Variants in CDH7 observed in about 807,000 individuals in gnomAD.
CDH7 encodes cadherin-7.
A neutral mutation model predicts 71.8 loss-of-function variants in CDH7; 25 were observed. The ratio of observed to expected loss-of-function variants is 0.35; its 90% confidence interval spans 0.25 to 0.49. The LOEUF is 0.49. Among genes scored for constraint, CDH7 ranks in the 20% least tolerant of loss-of-function variants. CDH7 has a pLI of 0.99. For synonymous variants in CDH7, 381 were observed against 363.8 expected, an observed-to-expected ratio of 1.05 and a Z score of -0.54; for missense variants, 862 against 974.6, an observed-to-expected ratio of 0.88 and a Z score of 1.54.
chr18:65,828,414 A>G (rs544535910), intron 6 of CDH7, among the ~76,000 whole-genome samples: 1 of 152,246 alleles, frequency 6.6e-6, no homozygotes, highest in Non-Finnish European at 1.5e-5. Flanking sequence ...ATTTTTTTCT[A>G]TAAATATATT....
chr18:65,860,976 G>A (rs1486372754), intron 10 of CDH7, among the ~76,000 whole-genome samples: 1 of 152,172 alleles, frequency 6.6e-6, no homozygotes, highest in Non-Finnish European at 1.5e-5. Context: ...TCATAGTTAA[G>A]AAGGATAATT....
rs1198601510 is a variant in CDH7, at chr18:65,781,906, TTC to T, written c.210+18860_210+18861del. On this transcript the variant is annotated intron_variant, in intron 2 of 11. Transcript: ENST00000397968. ...TCTCTCTCTCTCTTTCTCTCTATCT[TTC>T]TCTCTTTCTCTCTTTCTCTCTCTCT... Among the ~76,000 whole-genome samples the T allele has an allele frequency of 8.1e-4, 38 of 46,802 alleles. 4 individuals are homozygous for T. The East Asian group carries it at 0.018, about 22-fold the overall frequency. The allele number at this position is 46,802 out of a possible 152,430, so 30.7% of individuals were successfully genotyped here. A position where few individuals can be genotyped will look rare whatever the true frequency, so the allele number is the denominator to read the frequency against.
At chr18:65,833,465 T>C (rs1912423504) in intron 6 of CDH7, among the ~76,000 whole-genome samples, 1 of 152,210 alleles carries the variant, frequency 6.6e-6, no homozygotes, top group African/African-American at 2.4e-5. Flanking sequence ...TCAGGATGCA[T>C]ATTTCTTAAA....
Position 65,862,876 on chromosome 18 carries a change from G to A in CDH7, c.1823G>A (p.Gly608Glu), listed in dbSNP as rs921306615. 2 of 1,614,184 alleles carry A rather than the reference G, an allele frequency of 1.2e-6. No homozygotes were observed. Among genetic ancestry groups the A allele is most frequent in the East Asian group, 4.5e-5 (2 of 44,876 alleles). The change falls in exon 11 of 12, where the codon GGA becomes GAA. Residue 608 changes from glycine (G) to glutamate (E), a missense_variant. By Grantham distance (98) the Gly-to-Glu change is moderately conservative. Coordinates refer to ENST00000397968, the MANE Select transcript of CDH7 (RefSeq NM_004361.5). ...AYVLPAGLST[G>E]ALIAILACVL... ...GTCCTACCTGCTGGCCTCAGTACAG[G>A]AGCCCTGATAGCCATACTCGCCTGT...
At chr18:65,793,172 G>A (rs1034776802) in intron 2 of CDH7, among the ~76,000 whole-genome samples, 5 of 152,070 alleles carry the variant, frequency 3.3e-5, no homozygotes, top group Non-Finnish European at 7.3e-5. Flanking sequence ...AGGCGCAGAG[G>A]CTCACACCTG....
At chr18:65,814,237 G>A (rs1313213592) in intron 3 of CDH7, among the ~76,000 whole-genome samples, 1 of 20,254 alleles carries the variant, frequency 4.9e-5, no homozygotes, top group Non-Finnish European at 1.3e-4. Flanking sequence ...GTGCATCATC[G>A]ATGGTATTTT....
Position 65,824,882 on chromosome 18 carries a change from C to T in CDH7, c.981+51C>T, listed in dbSNP as rs779388072. The T allele has an allele frequency of 5.4e-6, 7 of 1,288,154 alleles. No individual in the cohort carries two copies. In the African/African-American group the frequency reaches 8.9e-5, roughly 16 times the overall value. 79.8% of individuals were successfully genotyped at this position (1,288,154 alleles called of 1,614,324 possible). On this transcript the variant is annotated intron_variant, in intron 6 of 11. Transcript: ENST00000397968. ...ATCACAGATTACTGAGAAGTCCTTT[C>T]TGTTTGATGGGAGAATGTACTAGAC...
intron 2 of CDH7, among the ~76,000 whole-genome samples, chr18:65,775,650 A>G (rs1410690610): frequency 6.6e-6 from 1 of 152,196 alleles, no homozygotes; most frequent in Non-Finnish European, 1.5e-5. Flanking sequence ...CACTAATGAT[A>G]GCTGATGAAC....
intron 4 of CDH7, among the ~76,000 whole-genome samples, chr18:65,815,078 C>T (rs1911676540): frequency 6.6e-6 from 1 of 152,036 alleles, no homozygotes. Context: ...TCTGCCAAAT[C>T]AAAAACTAAA....
Position 65,880,700 on chromosome 18 carries a change from C to T in CDH7, c.2164C>T (p.Pro722Ser), listed in dbSNP as rs1384674131. The change falls in exon 12 of 12, where the codon CCT (proline) becomes TCT (serine). Residue 722 changes from proline to serine, a missense_variant. Pro to Ser is a moderately conservative substitution (Grantham distance 74). Coordinates refer to ENST00000397968, the MANE Select transcript of CDH7 (RefSeq NM_004361.5). Reference protein sequence around the residue: ...WERLKEADVDPGAPPYDSLQT... With the variant: ...WERLKEADVDSGAPPYDSLQT... Reference sequence around the variant, plus strand: ...AAGATTAAAAGAAGCCGATGTTGATCCTGGTGCTCCTCCTTATGACTCCCT... The same window carrying T: ...AAGATTAAAAGAAGCCGATGTTGATTCTGGTGCTCCTCCTTATGACTCCCT... The T allele has an allele frequency of 6.2e-7, 1 of 1,614,036 alleles. No individual in the cohort carries two copies. The highest frequency in any genetic ancestry group is 1.3e-5 in the African/African-American group (1 of 75,008).
At chr18:65,800,697 A>G (rs1417845452) in intron 2 of CDH7, among the ~76,000 whole-genome samples, 2 of 152,308 alleles carry the variant, frequency 1.3e-5, no homozygotes, top group East Asian at 3.9e-4. Context: ...AAAATTTTTT[A>G]AATTATTTAA....
At chr18:65,841,245 T>C (rs746919880) in intron 6 of CDH7, among the ~76,000 whole-genome samples, 2 of 152,302 alleles carry the variant, frequency 1.3e-5, no homozygotes, top group African/African-American at 2.4e-5. Flanking sequence ...CAGATGTCTA[T>C]ACCTCATGTT....
At chr18:65,860,645 A>G (rs1913531543) in intron 10 of CDH7, among the ~76,000 whole-genome samples, 1 of 152,150 alleles carries the variant, frequency 6.6e-6, no homozygotes, top group African/African-American at 2.4e-5. Flanking sequence ...AACAGCATGG[A>G]AAATATCTAT....
intron 6 of CDH7, among the ~76,000 whole-genome samples, chr18:65,833,502 G>A (rs553324341): frequency 6.6e-6 from 1 of 152,034 alleles, no homozygotes; most frequent in South Asian, 2.1e-4. Context: ...GCTCTCATTT[G>A]ACTGTAAAAA....
At chr18:65,850,165 C>CCATATAA (rs1913094626) in intron 7 of CDH7, among the ~76,000 whole-genome samples, 1 of 20,484 alleles carries the variant, frequency 4.9e-5, no homozygotes, top group South Asian at 2.9e-3. Flanking sequence ...CCCTGCCACA[C>CCATATAA]TATATATAAT....
At chr18:65,808,044 C>T (rs181750096) in intron 2 of CDH7, among the ~76,000 whole-genome samples, 71 of 152,240 alleles carry the variant, frequency 4.7e-4, no homozygotes, top group South Asian at 2.1e-3. Flanking sequence ...GAGAGTTGGC[C>T]AGGCCACTTC....
Position 65,887,672 on chromosome 18 carries a change from GA to G in CDH7, c.*6780del. On this transcript the variant is annotated 3_prime_UTR_variant, in exon 12 of 12. Transcript: ENST00000397968. ...CACACACAATTTGAGGCGAAATGTTGAAGTAAAGTAAATGACTTTTAAATAT... is the reference window on the plus strand; with the variant it reads ...CACACACAATTTGAGGCGAAATGTTGAGTAAAGTAAATGACTTTTAAATAT... 6.6e-6 allele frequency: 1 copy of G among 152,150 alleles called. No homozygotes were observed. Among genetic ancestry groups the G allele is most frequent in the African/African-American group, 2.4e-5 (1 of 41,510 alleles). The allele number at this position is 152,150 out of a possible 1,614,324, so 9.4% of individuals were successfully genotyped here.
chr18:65,880,655 T>C lies in CDH7; in HGVS notation c.2119T>C (p.Phe707Leu). 1.2e-6 allele frequency: 2 copies of C among 1,613,978 alleles called. No individual in the cohort carries two copies. The highest frequency in any genetic ancestry group is 1.7e-6 in the Non-Finnish European group (2 of 1,179,998). Reference sequence around the variant, plus strand: ...TAAAAGCATCCCAGATAATGTCATCTTTAGGGAATTTATTTGGGAAAGATT... The same window carrying C: ...TAAAAGCATCCCAGATAATGTCATCCTTAGGGAATTTATTTGGGAAAGATT... Reference protein sequence around the residue: ...AFKSIPDNVIFREFIWERLKE... With the variant: ...AFKSIPDNVILREFIWERLKE... The change falls in exon 12 of 12, where the codon TTT becomes CTT. Residue 707 changes from phenylalanine to leucine, a missense_variant. Transcript: ENST00000397968.
chr18:65,820,946 G>A (rs889027646), intron 4 of CDH7, among the ~76,000 whole-genome samples: 1 of 151,984 alleles, frequency 6.6e-6, no homozygotes, highest in African/African-American at 2.4e-5. Flanking sequence ...TGAGAGATGA[G>A]TCAAATTTAA....
Sources: gnomAD v4.1 joint callset for allele counts (sites outside exome capture counted in the v4.1 genomes callset) on GRCh38, gnomAD v4.1.1 for gene constraint, MANE v1.5 for transcripts, NCBI Gene and HGNC (gene_info 2026-07-23, HGNC 2026-07-21) for gene names.